The following PRKDC variants were observed in gnomAD, a reference collection of about 807,000 sequenced individuals.
The protein encoded by PRKDC is DNA-dependent protein kinase catalytic subunit.
A neutral mutation model predicts 486.9 loss-of-function variants in PRKDC; 82 were observed. The observed-to-expected ratio is 0.17, with a 90% CI of 0.14 to 0.20. The LOEUF (loss-of-function observed/expected upper bound fraction) is 0.20. Ranked by LOEUF, PRKDC falls within the 10% of genes least tolerant of loss-of-function variation. PRKDC has a pLI of 1.00. For missense variants in PRKDC, 4,504 were observed against 5,038.2 expected, an observed-to-expected ratio of 0.89 and a Z score of 3.21; for synonymous variants, 1,895 against 1,837.0, an observed-to-expected ratio of 1.03 and a Z score of -0.81.
At chr8:47,902,492 C>T in intron 27 of PRKDC, 77 bp downstream of exon 27, 1 of 983,390 alleles carries the variant, frequency 1.0e-6, no homozygotes, top group Non-Finnish European at 1.4e-6. Context: ...AAATATGACA[C>T]ACGGATACAC....
Position 47,904,894 on chromosome 8 carries a change from G to C in PRKDC, c.3017C>G (p.Thr1006Ser). 6.2e-7 allele frequency: 1 copy of C among 1,611,788 alleles called. No individual in the cohort carries two copies. The highest frequency in any genetic ancestry group is 8.5e-7 in the Non-Finnish European group (1 of 1,178,062). ...CAATATAGCTTCTAGTAAGGCAACA[G>C]TATCCTGACTTTCAAATTTCTTGTT... ...TNNKKFESQD[T>S]VALLEAILDG... The change falls in exon 26 of 86, where the codon ACT becomes AGT. Residue 1006 changes from threonine to serine, a missense_variant. Thr to Ser is a moderately conservative substitution (Grantham distance 58). Coordinates refer to ENST00000314191, the MANE Select transcript of PRKDC (RefSeq NM_006904.7).
chr8:47,855,154 C>T, intron 50 of PRKDC, 68 bp downstream of exon 50: 2 of 1,346,414 alleles, frequency 1.5e-6, no homozygotes, highest in Non-Finnish European at 2.0e-6. Flanking sequence ...TCACTGTAAT[C>T]ATCATTTACG....
At chr8:47,789,965 T>C (rs1014139157) in intron 74 of PRKDC, among the ~76,000 whole-genome samples, 3 of 152,204 alleles carry the variant, frequency 2.0e-5, no homozygotes, top group Non-Finnish European at 4.4e-5. Flanking sequence ...GCTAGTGTCA[T>C]ACTGAACACT....
In PRKDC at chr8:47,840,023, T is replaced by G; in HGVS notation, c.7447A>C (p.Asn2483His). 1 of 1,536,486 alleles carries G rather than the reference T, an allele frequency of 6.5e-7. No homozygotes were observed. The highest frequency in any genetic ancestry group is 1.7e-4 in the Middle Eastern group (1 of 5,920). ...MYNILMWIHD[N>H]YRDPESETDN... ...AGTCAATGTATAGCTTACCTGTAAT[T>G]ATCATGAATCCACATGAGAATATTA... Residue 2483 changes from asparagine to histidine, a missense_variant, in exon 55 of 86, where the codon AAT becomes CAT. Transcript: ENST00000314191.
chr8:47,930,601 G>C, intron 17 of PRKDC, 71 bp downstream of exon 17: 1 of 1,415,394 alleles, frequency 7.1e-7, no homozygotes. Context: ...TCTATATAAG[G>C]AATTTCCTAT....
chr8:47,777,076 A>G (rs1445603026), intron 84 of PRKDC, 93 bp from the exon 85 acceptor site: 2 of 1,447,330 alleles, frequency 1.4e-6, no homozygotes, highest in East Asian at 4.6e-5. Flanking sequence ...CTTAAAGTAA[A>G]CAAACATCTA....
intron 19 of PRKDC, 104 bp downstream of exon 19, chr8:47,928,988 C>G: frequency 1.0e-6 from 1 of 968,096 alleles, no homozygotes; most frequent in South Asian, 1.5e-5. Flanking sequence ...CCGCACCCAG[C>G]CCCAATTCTT....
chr8:47,894,022 T>A (rs1039539485), intron 30 of PRKDC, among the ~76,000 whole-genome samples: 1 of 152,162 alleles, frequency 6.6e-6, no homozygotes, highest in Non-Finnish European at 1.5e-5. Flanking sequence ...GGCTCAGGTC[T>A]GTAATCCCAG....
chr8:47,853,202 C>T (rs1009337648), intron 51 of PRKDC, among the ~76,000 whole-genome samples: 4 of 152,208 alleles, frequency 2.6e-5, no homozygotes, highest in African/African-American at 9.6e-5. Flanking sequence ...CCCAGGGAGC[C>T]ACCCATTCAC....
chr8:47,913,977 T>C lies in PRKDC; in HGVS notation c.2705A>G (p.Lys902Arg), dbSNP rs1306901003. ...LSFAVPFREM[K>R]PVIFLDVFLP... ...GAACACATCCAGGAAAATGACAGGT[T>C]TCATCTCTCTAAAGGGCACTGCAAA... The change falls in exon 24 of 86, where the codon AAA (lysine) becomes AGA (arginine). Residue 902 changes from lysine (K) to arginine (R), a missense_variant. Physicochemically the swap from Lys to Arg is conservative, Grantham distance 26. Transcript: ENST00000314191. The C allele has an allele frequency of 6.2e-7, 1 of 1,611,700 alleles. No individual in the cohort carries two copies.
At chr8:47,853,880 G>A (rs970060841) in intron 51 of PRKDC, among the ~76,000 whole-genome samples, 1 of 152,110 alleles carries the variant, frequency 6.6e-6, no homozygotes, top group African/African-American at 2.4e-5. Context: ...TGTCCAGGCT[G>A]GTCTTGAACT....
Position 47,837,239 on chromosome 8 carries a change from C to T in PRKDC, c.7734G>A (p.Glu2578=). The T allele has an allele frequency of 6.2e-7, 1 of 1,613,796 alleles. No homozygotes were observed. The highest frequency in any genetic ancestry group is 8.5e-7 in the Non-Finnish European group (1 of 1,179,820). The change falls in exon 57 of 86, where the codon GAG becomes GAA. Residue 2578 remains glutamate (E), a synonymous_variant. Transcript: ENST00000314191. ...MSPDYPNPMF[E]HPLSECEFQE... ...GAAATTCGCATTCTGACAGAGGATG[C>T]TCGAACATGGGGTTTGGATAATCTG...
In PRKDC at chr8:47,846,676, A is replaced by T. The variant is rs529692200; in HGVS notation, c.7280+2478T>A. Among the ~76,000 whole-genome samples, 131 of 152,296 alleles carry T rather than the reference A, an allele frequency of 8.6e-4. 1 individual carries two copies. The highest frequency in any genetic ancestry group is 3.4e-3 in the Middle Eastern group (1 of 294). ...ACAGAACAATCAAGCAAGAGAAAGA[A>T]ATAAAACATATTCAAATAGGAAAAG... is the stretch of plus-strand genomic sequence containing the variant. On this transcript the variant is annotated intron_variant, in intron 54 of 85. Transcript: ENST00000314191.
intron 40 of PRKDC, among the ~76,000 whole-genome samples, chr8:47,874,395 CA>C (rs2089041097): frequency 6.6e-6 from 1 of 152,178 alleles, no homozygotes; most frequent in Non-Finnish European, 1.5e-5. Flanking sequence ...ACACATTATA[CA>C]CATGTATCAA....
chr8:47,805,057 C>G (rs948669370), intron 69 of PRKDC: 1 of 152,050 alleles, frequency 6.6e-6, no homozygotes, highest in Non-Finnish European at 1.5e-5. Context: ...CCATCGCGCC[C>G]GGCCTCAACA....
At chr8:47,864,107 A>C (rs894172067) in intron 41 of PRKDC, among the ~76,000 whole-genome samples, 1 of 152,218 alleles carries the variant, frequency 6.6e-6, no homozygotes, top group African/African-American at 2.4e-5. Flanking sequence ...TGGATTGTAC[A>C]GGTGGGTAGG....
intron 25 of PRKDC, among the ~76,000 whole-genome samples, chr8:47,905,810 G>A (rs750148760): frequency 7.9e-5 from 12 of 151,998 alleles, no homozygotes; most frequent in Non-Finnish European, 1.2e-4. Context: ...CCTCTCCAGG[G>A]GCCAGGTAGC....
chr8:47,879,528 G>A lies in PRKDC; in HGVS notation c.5198C>T (p.Thr1733Ile), dbSNP rs1426725102. 1 of 1,598,246 alleles carries A rather than the reference G, an allele frequency of 6.3e-7. No homozygotes were observed. Among genetic ancestry groups the A allele is most frequent in the Non-Finnish European group, 8.5e-7 (1 of 1,172,070 alleles). Reference sequence around the variant, plus strand: ...GTCCACATAATTATTGAACCGCGGAGTTCCTGGAGGAAATTCCCTGGACTG... The same window carrying A: ...GTCCACATAATTATTGAACCGCGGAATTCCTGGAGGAAATTCCCTGGACTG... ...PMQSREFPPG[T>I]PRFNNYVDCM... The change falls in exon 39 of 86, where the codon ACT becomes ATT. Residue 1733 changes from threonine to isoleucine, a missense_variant. Around this residue, in one of 6 missense-constraint regions of PRKDC, gnomAD observed 1,969 missense variants for 2,068.9 expected, o/e 0.95. Coordinates refer to ENST00000314191, the MANE Select transcript of PRKDC (RefSeq NM_006904.7).
At chr8:47,830,232 G>A (rs1418440882) in intron 61 of PRKDC, among the ~76,000 whole-genome samples, 1 of 152,230 alleles carries the variant, frequency 6.6e-6, no homozygotes, top group Non-Finnish European at 1.5e-5. Flanking sequence ...GTAACCTGCT[G>A]TTTTTATGTA....
Sources: gnomAD v4.1 joint callset for allele counts (sites outside exome capture counted in the v4.1 genomes callset) on GRCh38, gnomAD v4.1.1 for gene constraint, gnomAD v4.1.1 regional missense constraint, MANE v1.5 for transcripts, NCBI Gene and HGNC (gene_info 2026-07-23, HGNC 2026-07-21) for gene names.